CDK5RAP1: variants seen among roughly 807,000 people sequenced by gnomAD.
The protein encoded by CDK5RAP1 is CDK5RAP1 mitochondrial tRNA methylthiotransferase.
Under a neutral mutation model 64.5 loss-of-function variants are expected in CDK5RAP1, and 62 were observed. The ratio of observed to expected loss-of-function variants is 0.96; its 90% confidence interval spans 0.78 to 1.19. CDK5RAP1 has a LOEUF of 1.19. Ranked by LOEUF, CDK5RAP1 falls within the 50% of genes most tolerant of loss-of-function variation. The pLI is 0.00. For missense variants in CDK5RAP1, 657 were observed against 735.0 expected (o/e 0.89, Z 1.23); for synonymous variants, 250 against 261.9 (o/e 0.95, Z 0.44).
rs1427450785 is a variant in CDK5RAP1 at position 33,385,655 on chromosome 20, C to G, written c.871G>C (p.Glu291Gln). 2 of 1,614,112 alleles carry G rather than the reference C, an allele frequency of 1.2e-6. No individual in the cohort carries two copies. Among genetic ancestry groups the G allele is most frequent in the African/African-American group, 1.3e-5 (1 of 75,056 alleles). ...SILEEVKKLS[E>Q]QGLKEVTLLG... ...AAGCCTGGAGAACTCTTCACCTGCT[C>G]AGAAAGCTTCTTCACTTCCTCTAGA... The change falls in exon 7 of 14, where the codon GAG becomes CAG. Residue 291 changes from glutamate (E) to glutamine (Q), a missense_variant. Coordinates refer to ENST00000346416, the MANE Select transcript of CDK5RAP1 (RefSeq NM_016408.4).
chr20:33,366,996 A>G lies in CDK5RAP1; in HGVS notation c.1405T>C (p.Tyr469His). The G allele has an allele frequency of 6.2e-7, 1 of 1,609,180 alleles. No homozygotes were observed. Among genetic ancestry groups the G allele is most frequent in the African/African-American group, 1.3e-5 (1 of 74,516 alleles). ...GGGACATCATCCTTCAGCCTATGAT[A>G]TGCCCGTGTCTTCTATTAAAAAAAA... ...AYSMRQKTRA[Y>H]HRLKDDVPEE... The change falls in exon 12 of 14, where the codon TAT (tyrosine) becomes CAT (histidine). Residue 469 changes from tyrosine to histidine, a missense_variant. Transcript: ENST00000346416.
intron 7 of CDK5RAP1, chr20:33,383,498 G>C (rs1987025375): frequency 6.6e-6 from 1 of 152,102 alleles, no homozygotes; most frequent in African/African-American, 2.4e-5. Context: ...CCAACACTTT[G>C]GGAGGCCGAG....
chr20:33,381,600 G>A (rs772739334), intron 7 of CDK5RAP1, among the ~76,000 whole-genome samples: 30 of 152,012 alleles, frequency 2.0e-4, no homozygotes, highest in Non-Finnish European at 1.0e-4. Flanking sequence ...CTAACTTTTT[G>A]TATTTTTTAG....
intron 5 of CDK5RAP1, 44 bp downstream of exon 5, chr20:33,392,098 A>C: frequency 8.2e-7 from 1 of 1,221,750 alleles, no homozygotes; most frequent in African/African-American, 1.5e-5. Context: ...AGCCACATAA[A>C]GTCCAAGTTT....
Position 33,379,632 on chromosome 20 carries a change from C to T in CDK5RAP1, c.936G>A (p.Glu312=). 6.2e-7 allele frequency: 1 copy of T among 1,614,066 alleles called. No homozygotes were observed. The highest frequency in any genetic ancestry group is 8.5e-7 in the Non-Finnish European group (1 of 1,180,004). The part of the protein sequence containing the change: ...QNVNSFRDNS[E]VQFNSAVPTN... ...TAGGCACTGCACTGTTGAACTGGAC[C>T]TCCGAATTGTCCCGAAAACTATTAA... The change falls in exon 8 of 14, where the codon GAG becomes GAA. Residue 312 remains glutamate, a synonymous_variant. Coordinates refer to ENST00000346416, the MANE Select transcript of CDK5RAP1 (RefSeq NM_016408.4).
At position 33,392,210 on chromosome 20, in the gene CDK5RAP1, A is replaced by G. The variant is rs1988395576; in HGVS notation, c.476T>C (p.Leu159Ser). The G allele has an allele frequency of 6.2e-7, 1 of 1,614,002 alleles. No individual in the cohort carries two copies. Among genetic ancestry groups the G allele is most frequent in the Middle Eastern group, 1.6e-4 (1 of 6,062 alleles). The change falls in exon 5 of 14, where the codon TTA (leucine) becomes TCA (serine). Residue 159 changes from leucine to serine, a missense_variant. Leu to Ser is a moderately radical substitution (Grantham distance 145). Transcript: ENST00000346416. ...TGTCTTCAAGGCTTTAAGCTGATGT[A>G]AACGGTTCCAGATGGTCTGCTCAGC... ...EKAEQTIWNR[L>S]HQLKALKTRR...
intron 1 of CDK5RAP1, among the ~76,000 whole-genome samples, chr20:33,399,854 T>C (rs932402593): frequency 2.6e-5 from 4 of 152,170 alleles, no homozygotes; most frequent in African/African-American, 9.6e-5. Context: ...GGCAAGACCA[T>C]GTTTATTTGT....
At chr20:33,369,890 C>T (rs1431860430) in intron 11 of CDK5RAP1, among the ~76,000 whole-genome samples, 1 of 152,232 alleles carries the variant, frequency 6.6e-6, no homozygotes. Flanking sequence ...AACACAAGCA[C>T]ATTGCCACAA....
chr20:33,392,521 G>A (rs1433314794), intron 4 of CDK5RAP1, among the ~76,000 whole-genome samples: 2 of 122,628 alleles, frequency 1.6e-5, no homozygotes, highest in Non-Finnish European at 3.3e-5. Flanking sequence ...TGTATCTTAT[G>A]TGTGGCCCAA....
At chr20:33,387,595 C>G in intron 5 of CDK5RAP1, 62 bp from the exon 6 acceptor site, 1 of 1,299,394 alleles carries the variant, frequency 7.7e-7, no homozygotes, top group South Asian at 1.2e-5. Context: ...ATGGCTTCTT[C>G]TTATTCCACT....
At chr20:33,397,259 G>C (rs888334706) in intron 1 of CDK5RAP1, among the ~76,000 whole-genome samples, 175 bp from the exon 2 acceptor site, 1 of 152,154 alleles carries the variant, frequency 6.6e-6, no homozygotes. Context: ...ACTTGCCCAA[G>C]ACCACACAAA....
chr20:33,360,314 T>C (rs1982657109), intron 13 of CDK5RAP1, 37 bp downstream of exon 13: 2 of 1,592,926 alleles, frequency 1.3e-6, no homozygotes, highest in African/African-American at 1.4e-5. Context: ...AACACTCATT[T>C]CACAGTGCAA....
At chr20:33,365,220 T>C (rs1187426459) in intron 12 of CDK5RAP1, among the ~76,000 whole-genome samples, 2 of 152,148 alleles carry the variant, frequency 1.3e-5, no homozygotes, top group African/African-American at 4.8e-5. Flanking sequence ...TGAGGCTGGT[T>C]AATAGGTATG....
At position 33,401,515 on chromosome 20, in the gene CDK5RAP1, T is replaced by C. The variant is rs959306463; in HGVS notation, c.-108A>G. ...CCTCACAGGTCCGCCGCTGCGTTCA[T>C]ACACAAGCGACTTCCGTTCCGCCGC... On this transcript the variant is annotated 5_prime_UTR_variant, in exon 1 of 14. The change abolishes an upstream ATG in the 5' untranslated region. Transcript: ENST00000346416. The C allele has an allele frequency of 3.6e-5, 35 of 985,168 alleles. No individual in the cohort carries two copies. Among genetic ancestry groups the C allele is most frequent in the Middle Eastern group, 5.2e-4 (1 of 1,936 alleles). The allele number at this position is 985,168 out of a possible 1,614,324, so 61.0% of individuals were successfully genotyped here.
intron 13 of CDK5RAP1, 73 bp from the exon 14 acceptor site, chr20:33,359,196 G>A: frequency 1.7e-6 from 2 of 1,145,140 alleles, no homozygotes; most frequent in Non-Finnish European, 2.6e-6. Context: ...GGAGCCTCTA[G>A]AGGAGAAGCC....
chr20:33,383,368 G>A (rs1987007813), intron 7 of CDK5RAP1: 1 of 152,088 alleles, frequency 6.6e-6, no homozygotes, highest in Non-Finnish European at 1.5e-5. Flanking sequence ...AGCACTTTGG[G>A]AGGCCGAGGC....
chr20:33,361,991 A>C (rs1050605523), intron 12 of CDK5RAP1, among the ~76,000 whole-genome samples: 2 of 148,808 alleles, frequency 1.3e-5, no homozygotes, highest in African/African-American at 4.9e-5. Context: ...GAAGGGAGAG[A>C]GGGAGGGAAC....
intron 7 of CDK5RAP1, among the ~76,000 whole-genome samples, chr20:33,383,861 G>A (rs1017817246): frequency 3.3e-4 from 50 of 150,668 alleles, no homozygotes; most frequent in African/African-American, 1.2e-3. Flanking sequence ...GCAGTGAGCC[G>A]AGATCATACC....
At position 33,379,688 on chromosome 20, in the gene CDK5RAP1, G is replaced by A. The variant is rs754522264; in HGVS notation, c.880C>T (p.Leu294=). The change falls in exon 8 of 14, where the codon CTG becomes TTG. Residue 294 remains leucine (L), a synonymous_variant. Transcript: ENST00000346416. ...TGACCAAGAAGTGTCACTTCTTTCA[G>A]CCCCTAAACATGGGAAAATATATTG... The part of the protein sequence containing the change: ...EEVKKLSEQG[L]KEVTLLGQNV... The A allele has an allele frequency of 2.5e-6, 4 of 1,610,120 alleles. No homozygotes were observed. In the East Asian group the frequency reaches 8.9e-5, roughly 36 times the overall value.
Sources: gnomAD v4.1 joint callset for allele counts (sites outside exome capture counted in the v4.1 genomes callset) on GRCh38, gnomAD v4.1.1 for gene constraint, MANE v1.5 for transcripts, NCBI Gene and HGNC (gene_info 2026-07-23, HGNC 2026-07-21) for gene names.